The following GBF1 variants were observed in gnomAD, a reference collection of about 807,000 sequenced individuals.
The protein encoded by GBF1 is golgi brefeldin A resistant guanine nucleotide exchange factor 1.
A neutral mutation model predicts 210.5 loss-of-function variants in GBF1; 114 were observed. The ratio of observed to expected loss-of-function variants is 0.54; its 90% CI spans 0.47 to 0.63. GBF1 has a LOEUF of 0.63. Among genes scored for constraint, GBF1 ranks in the 30% least tolerant of loss-of-function variants. GBF1 has a pLI of 0.00. For synonymous variants in GBF1, 850 were observed against 889.2 expected (o/e 0.96, Z 0.78); for missense variants, 1,851 against 2,357.7 (o/e 0.79, Z 4.45).
In GBF1 at chr10:102,351,736, T is replaced by G. The variant is rs945709784; in HGVS notation, c.415-107T>G. 9 of 700,408 alleles carry G rather than the reference T, an allele frequency of 1.3e-5. No individual in the cohort carries two copies. The Admixed American group carries it at 1.7e-4, about 13-fold the overall frequency. The allele number at this position is 700,408 out of a possible 1,614,324, so 43.4% of individuals were successfully genotyped here. On this transcript the variant is annotated intron_variant, in intron 5 of 39. Transcript: ENST00000369983. The stretch of plus-strand genomic sequence containing the variant: ...CAAGGACAAGCTTCTTGGAGACCTC[T>G]CTACCAAGCTGAGGTGAGGTCAGCA...
Position 102,286,912 on chromosome 10 carries a change from C to T in GBF1, c.163+26796C>T, listed in dbSNP as rs1355241853. ...GTGAAACCTACCCTTAACTAACCCC[C>T]ATTTATGGCTGTAGGATATGTAATA... is the stretch of plus-strand genomic sequence containing the variant. On this transcript the variant is annotated intron_variant, in intron 3 of 39. Transcript: ENST00000369983. 2.0e-5 allele frequency among the ~76,000 whole-genome samples: 3 copies of T among 152,254 alleles called. No homozygotes were observed. In the East Asian group the frequency reaches 5.8e-4, roughly 29 times the overall value.
At chr10:102,245,921 G>A (rs1232422945) in intron 1 of GBF1, 140 bp downstream of exon 1, 2 of 152,304 alleles carry the variant, frequency 1.3e-5, no homozygotes, top group African/African-American at 4.8e-5. Context: ...GACGAGGGAA[G>A]GGTTGTTGTG....
In GBF1 at chr10:102,368,809, A is replaced by C. The variant is rs1415542577; in HGVS notation, c.2950A>C (p.Lys984Gln). 1 of 1,611,582 alleles carries C rather than the reference A, an allele frequency of 6.2e-7. No individual in the cohort carries two copies. The highest frequency in any genetic ancestry group is 1.7e-5 in the Admixed American group (1 of 59,980). Reference sequence around the variant, plus strand: ...TGACAATCTCATCATCTCTCTATGCAAATTCACAGCTCTCAGCAGTGAGGT... The same window carrying C: ...TGACAATCTCATCATCTCTCTATGCCAATTCACAGCTCTCAGCAGTGAGGT... ...VFDNLIISLC[K>Q]FTALSSESIE... Residue 984 changes from lysine (K) to glutamine (Q), a missense_variant, in exon 23 of 40, where the codon AAA becomes CAA. By Grantham distance (53) the Lys-to-Gln change is moderately conservative. Around this residue, in one of 3 missense-constraint regions of GBF1, gnomAD observed 967 missense variants for 1,247.7 expected, o/e 0.78. Transcript: ENST00000369983.
chr10:102,303,422 A>G (rs2077566566), intron 3 of GBF1, among the ~76,000 whole-genome samples: 1 of 152,196 alleles, frequency 6.6e-6, no homozygotes, highest in Admixed American at 6.5e-5. Context: ...AAATCAATTG[A>G]CCATAAATGG....
At chr10:102,297,656 A>C (rs562030662) in intron 3 of GBF1, among the ~76,000 whole-genome samples, 26 of 152,180 alleles carry the variant, frequency 1.7e-4, no homozygotes, top group Non-Finnish European at 3.4e-4. Flanking sequence ...ACTCAGACCA[A>C]ATGGAAGCAG....
At chr10:102,305,178 TGTG>T (rs2077741904) in intron 3 of GBF1, among the ~76,000 whole-genome samples, 1 of 5,358 alleles carries the variant, frequency 1.9e-4, no homozygotes, top group Non-Finnish European at 2.4e-3. Flanking sequence ...TGCAGATTTG[TGTG>T]TGTGTGTGTG....
intron 29 of GBF1, among the ~76,000 whole-genome samples, chr10:102,374,205 C>T (rs1393766940): frequency 6.6e-6 from 1 of 151,962 alleles, no homozygotes; most frequent in Non-Finnish European, 1.5e-5. Flanking sequence ...CAAAAATTAG[C>T]CAGGCGTGGT....
chr10:102,332,195 T>C (rs1221050922), intron 3 of GBF1, among the ~76,000 whole-genome samples: 1 of 152,068 alleles, frequency 6.6e-6, no homozygotes, highest in Non-Finnish European at 1.5e-5. Flanking sequence ...AGATTACTTG[T>C]AATGCCTAAC....
In GBF1 at chr10:102,370,372, G is replaced by C. The variant is rs7922361; in HGVS notation, c.3412-12G>C. ...TTTCCATGCCTACTTTCCTGCTGCT[G>C]TTCCCCTTCAGGCTCTGGTCTCAGT... On this transcript the variant is annotated splice_polypyrimidine_tract_variant and intron_variant, in intron 27 of 39. Coordinates refer to ENST00000369983, the MANE Select transcript of GBF1 (RefSeq NM_001377137.1). The C allele has an allele frequency of 1.9e-6, 3 of 1,592,072 alleles. No individual in the cohort carries two copies. In the African/African-American group the frequency reaches 4.0e-5, roughly 21 times the overall value.
In GBF1 at chr10:102,366,551, TTGAC is replaced by T; in HGVS notation, c.2433+49_2433+52del. On this transcript the variant is annotated intron_variant, in intron 19 of 39. Transcript: ENST00000369983. This position sits in a 1 kb window ranked among gnomAD's most constrained non-coding sequence, Gnocchi z 4.0. ...GCTGAGCCCAGGATCCAAGGTCAGT[TTGAC>T]TGAGGGCTGAAGAATCCAGCTGCTG... 3 of 1,587,022 alleles carry T rather than the reference TTGAC, an allele frequency of 1.9e-6. No homozygotes were observed. The highest frequency in any genetic ancestry group is 2.6e-6 in the Non-Finnish European group (3 of 1,157,942).
rs544793357 is a variant in GBF1 at position 102,275,975 on chromosome 10, G to T, written c.163+15859G>T. Among the ~76,000 whole-genome samples, 3 of 152,186 alleles carry T rather than the reference G, an allele frequency of 2.0e-5. No homozygotes were observed. The East Asian group carries it at 5.8e-4, about 29-fold the overall frequency. On this transcript the variant is annotated intron_variant, in intron 3 of 39. Transcript: ENST00000369983. ...TTCTGGGCTGGGCGTGGTGGCTCAC[G>T]CCTGTAATCCCAGCACTTTGGGAGG...
At chr10:102,341,783 C>T (rs115795484) in intron 3 of GBF1, among the ~76,000 whole-genome samples, 126 of 152,216 alleles carry the variant, frequency 8.3e-4, no homozygotes, top group African/African-American at 3.0e-3. Context: ...GCACATCACC[C>T]TAGAAGTGTG....
At position 102,366,268 on chromosome 10, in the gene GBF1, A is replaced by C; in HGVS notation, c.2310-115A>C. 20 of 1,053,456 alleles carry C rather than the reference A, an allele frequency of 1.9e-5. No homozygotes were observed. The highest frequency in any genetic ancestry group is 2.1e-4 in the Middle Eastern group (1 of 4,702). 65.3% of individuals were successfully genotyped at this position (1,053,456 alleles called of 1,614,324 possible). A position where few individuals can be genotyped will look rare whatever the true frequency, so the allele number is the denominator to read the frequency against. On this transcript the variant is annotated intron_variant, in intron 18 of 39. Coordinates refer to ENST00000369983, the MANE Select transcript of GBF1 (RefSeq NM_001377137.1). This position sits in a 1 kb window ranked among gnomAD's most constrained non-coding sequence, Gnocchi z 4.0. ...GAACAGGAGATACTGCCCCTTTACT[A>C]GAGACCTCAGCCTCCTCTCTTCCAG...
the GBF1 span, among the ~76,000 whole-genome samples, chr10:102,234,685 A>G: frequency 6.6e-5 from 10 of 152,126 alleles, no homozygotes; most frequent in African/African-American, 2.4e-4. Flanking sequence ...AATGCAAATC[A>G]TCCCCCTGAC....
At chr10:102,361,206 C>A in intron 13 of GBF1, 86 bp downstream of exon 13, 1 of 796,930 alleles carries the variant, frequency 1.3e-6, no homozygotes, top group Non-Finnish European at 2.3e-6. Flanking sequence ...TATCATGCTA[C>A]AGGGGTAGGA....
intron 8 of GBF1, among the ~76,000 whole-genome samples, chr10:102,354,611 G>A (rs74155270): frequency 2.0e-5 from 3 of 152,168 alleles, no homozygotes; most frequent in South Asian, 2.1e-4. Flanking sequence ...AGAGTTGCAC[G>A]TGATTGTAGC....
In GBF1 at chr10:102,379,301, C is replaced by T; in HGVS notation, c.4512C>T (p.His1504=). The change falls in exon 34 of 40, where the codon CAC becomes CAT. Residue 1504 remains histidine (H), a synonymous_variant. Coordinates refer to ENST00000369983, the MANE Select transcript of GBF1 (RefSeq NM_001377137.1). ...GATCCTAGTTGCTAGACCTGATGCA[C>T]ACCCTGCACACGCGGGCAGCCTCTA... ...QVSQDLLDLM[H]TLHTRAASIY... The T allele has an allele frequency of 6.2e-7, 1 of 1,613,436 alleles. No homozygotes were observed. Among genetic ancestry groups the T allele is most frequent in the Non-Finnish European group, 8.5e-7 (1 of 1,179,866 alleles).
chr10:102,361,798 G>C lies in GBF1; in HGVS notation c.1572G>C (p.Glu524Asp). The change falls in exon 14 of 40, where the codon GAG (glutamate) becomes GAC (aspartate). Residue 524 changes from glutamate (E) to aspartate (D), a missense_variant. Transcript: ENST00000369983. ...ATGAGATGAAGGAGATGGCACTGGA[G>C]GCCATTGTGCAGCTCTGGCGCATCC... ...MPYEMKEMAL[E>D]AIVQLWRIPS... 6.2e-7 allele frequency: 1 copy of C among 1,613,364 alleles called. No homozygotes were observed. The highest frequency in any genetic ancestry group is 1.1e-5 in the South Asian group (1 of 91,064).
intron 3 of GBF1, among the ~76,000 whole-genome samples, chr10:102,284,978 G>A (rs1391810140): frequency 1.3e-5 from 2 of 152,102 alleles, no homozygotes; most frequent in African/African-American, 4.8e-5. Context: ...AGACTGGATA[G>A]GACTTTGATG....
Sources: gnomAD v4.1 joint callset for allele counts (sites outside exome capture counted in the v4.1 genomes callset) on GRCh38, gnomAD v4.1.1 for gene constraint, gnomAD v4.1.1 regional missense constraint, Gnocchi (gnomAD v3.1) non-coding constraint, MANE v1.5 for transcripts, NCBI Gene and HGNC (gene_info 2026-07-23, HGNC 2026-07-21) for gene names.